ZBTB7C: variants seen among roughly 807,000 people sequenced by gnomAD.
The protein encoded by ZBTB7C is zinc finger and BTB domain containing 7C, also known as zinc finger and BTB domain-containing protein 7C.
In ZBTB7C, 8 loss-of-function variants were observed where a neutral mutation model predicts 25.7. That is an observed-to-expected ratio of 0.31 (90% CI 0.18 to 0.56). ZBTB7C has a LOEUF of 0.56. ZBTB7C is among the 20% of genes least tolerant of loss of function. The probability of loss-of-function intolerance (pLI) is 0.91; values close to 1 mark genes in which losing one functional copy is unlikely to be tolerated. For synonymous variants in ZBTB7C, 394 were observed against 369.0 expected (o/e 1.07, Z -0.78); for missense variants, 824 against 855.2 (o/e 0.96, Z 0.46).
chr18:48,211,345 C>G (rs2042697902), intron 2 of ZBTB7C, among the ~76,000 whole-genome samples: 1 of 152,054 alleles, frequency 6.6e-6, no homozygotes, highest in African/African-American at 2.4e-5. Context: ...TAAGCTGAAC[C>G]TCATTAAAAT....
At chr18:48,078,118 A>ATTTGGGGATAGCAGGAT (rs377701556) in intron 3 of ZBTB7C, among the ~76,000 whole-genome samples, 65 of 152,186 alleles carry the variant, frequency 4.3e-4, no homozygotes, top group African/African-American at 1.5e-3. Context: ...GTGATGGGAG[A>ATTTGGGGATAGCAGGAT]TTTGTCACTA....
chr18:48,160,105 C>T (rs377467624), intron 3 of ZBTB7C, among the ~76,000 whole-genome samples: 1 of 152,218 alleles, frequency 6.6e-6, no homozygotes, highest in Non-Finnish European at 1.5e-5. Flanking sequence ...AGTCTCCTCC[C>T]GCACAATGAC....
chr18:48,265,860 T>C (rs1422031428), intron 2 of ZBTB7C, among the ~76,000 whole-genome samples: 5 of 152,228 alleles, frequency 3.3e-5, no homozygotes. Context: ...GATTCTGCAC[T>C]GGGCCCTTTT....
At chr18:48,337,046 C>A (rs146666052) in intron 2 of ZBTB7C, among the ~76,000 whole-genome samples, 1 of 152,234 alleles carries the variant, frequency 6.6e-6, no homozygotes, top group Non-Finnish European at 1.5e-5. Flanking sequence ...GGTTGATCCA[C>A]TTCCTAGAGC....
chr18:48,273,850 G>A (rs927787526), intron 2 of ZBTB7C, among the ~76,000 whole-genome samples: 1 of 152,060 alleles, frequency 6.6e-6, no homozygotes, highest in South Asian at 2.1e-4. Flanking sequence ...GTGAAAATAT[G>A]AGTGATTTTT....
At chr18:48,321,968 T>A (rs2046106062) in intron 2 of ZBTB7C, among the ~76,000 whole-genome samples, 1 of 152,232 alleles carries the variant, frequency 6.6e-6, no homozygotes, top group East Asian at 1.9e-4. Flanking sequence ...CAGACCCCAT[T>A]CACAGCGGAT....
intron 3 of ZBTB7C, among the ~76,000 whole-genome samples, chr18:48,089,864 T>C (rs1331965792): frequency 2.0e-5 from 3 of 152,240 alleles, no homozygotes; most frequent in African/African-American, 7.2e-5. Flanking sequence ...GGGTCAGGCC[T>C]GGCTATGGTT....
intron 2 of ZBTB7C, among the ~76,000 whole-genome samples, chr18:48,255,449 A>T (rs2043993217): frequency 6.6e-6 from 1 of 152,220 alleles, no homozygotes; most frequent in Non-Finnish European, 1.5e-5. Flanking sequence ...GGCCCAACAG[A>T]CCAAACCAAA....
intron 1 of ZBTB7C, chr18:48,364,027 TC>T (rs1386899236): frequency 6.6e-6 from 1 of 152,130 alleles, no homozygotes; most frequent in Non-Finnish European, 1.5e-5. Flanking sequence ...GCCAGCAGCT[TC>T]TCCTGCAGGC....
At chr18:48,138,205 A>C (rs2144814850) in intron 3 of ZBTB7C, among the ~76,000 whole-genome samples, 1 of 152,340 alleles carries the variant, frequency 6.6e-6, no homozygotes, top group Non-Finnish European at 1.5e-5. Flanking sequence ...GGATCCTGAA[A>C]CCAGAAGTAA....
chr18:48,102,095 C>T (rs952595403), intron 3 of ZBTB7C, among the ~76,000 whole-genome samples: 3 of 152,138 alleles, frequency 2.0e-5, no homozygotes, highest in East Asian at 1.9e-4. Context: ...GACATTGAGG[C>T]GCTGAAGGAG....
chr18:48,313,140 G>A (rs77982602), intron 2 of ZBTB7C, among the ~76,000 whole-genome samples: 5,083 of 152,256 alleles, frequency 0.033, 301 homozygotes, highest in African/African-American at 0.12. Flanking sequence ...GAGATTAAGC[G>A]AGTTATCCAA....
At chr18:48,196,688 C>CT (rs977254882) in intron 2 of ZBTB7C, among the ~76,000 whole-genome samples, 11 of 152,048 alleles carry the variant, frequency 7.2e-5, no homozygotes, top group African/African-American at 2.4e-4. Flanking sequence ...TTCTGAAAGT[C>CT]TTTTTTTTCT....
chr18:48,254,637 A>G (rs1293396474), intron 2 of ZBTB7C, among the ~76,000 whole-genome samples: 2 of 152,052 alleles, frequency 1.3e-5, no homozygotes, highest in Non-Finnish European at 2.9e-5. Flanking sequence ...AAGACGACGA[A>G]CCCCATGTAT....
At chr18:48,189,055 TCCA>T (rs1254966499) in intron 2 of ZBTB7C, among the ~76,000 whole-genome samples, 1 of 152,230 alleles carries the variant, frequency 6.6e-6, no homozygotes, top group African/African-American at 2.4e-5. Flanking sequence ...CATTTTTTTG[TCCA>T]CCACAAGCTG....
rs1285641945 is a variant in ZBTB7C, at chr18:48,347,182, G to A, written c.-303-8784C>T. Reference sequence around the variant, plus strand: ...GTCTCGCTCTGTTACCCAGGCTCACGGCAACTTCCTCCTCCTGGATTCAAG... The same window carrying A: ...GTCTCGCTCTGTTACCCAGGCTCACAGCAACTTCCTCCTCCTGGATTCAAG... On this transcript the variant is annotated intron_variant, in intron 1 of 4. Coordinates refer to ENST00000590800, the MANE Select transcript of ZBTB7C (RefSeq NM_001318841.2). Among the ~76,000 whole-genome samples the A allele has an allele frequency of 9.1e-5, 12 of 131,242 alleles. No homozygotes were observed. In the South Asian group the frequency reaches 1.0e-3, roughly 11 times the overall value. 86.1% of individuals were successfully genotyped at this position (131,242 alleles called of 152,430 possible). A position where few individuals can be genotyped will look rare whatever the true frequency, so the allele number is the denominator to read the frequency against.
At chr18:48,083,944 C>T (rs1178236128) in intron 3 of ZBTB7C, 2 of 965,276 alleles carry the variant, frequency 2.1e-6, no homozygotes, top group Non-Finnish European at 1.2e-6. Context: ...GGCCTTTAAA[C>T]ACGACCTGAG....
intron 3 of ZBTB7C, among the ~76,000 whole-genome samples, chr18:48,100,133 G>A (rs953461280): frequency 1.3e-5 from 2 of 152,180 alleles, no homozygotes; most frequent in Admixed American, 6.5e-5. Flanking sequence ...ATTCTCCCAG[G>A]TTGTTCTCAT....
chr18:48,358,622 T>C (rs1328460200), intron 1 of ZBTB7C, among the ~76,000 whole-genome samples: 1 of 152,202 alleles, frequency 6.6e-6, no homozygotes, highest in African/African-American at 2.4e-5. Context: ...CTTGCAGGCA[T>C]GGAATTGATT....
Sources: gnomAD v4.1 joint callset for allele counts (sites outside exome capture counted in the v4.1 genomes callset) on GRCh38, gnomAD v4.1.1 for gene constraint, MANE v1.5 for transcripts, NCBI Gene and HGNC (gene_info 2026-07-23, HGNC 2026-07-21) for gene names.